Variants in NEK7 observed in about 807,000 individuals in gnomAD.
NEK7 encodes serine/threonine-protein kinase Nek7.
NEK7 carries 18 observed loss-of-function variants against 44.6 expected under a neutral mutation model. That is an observed-to-expected ratio of 0.40 (90% CI 0.28 to 0.60). NEK7 has a LOEUF of 0.60. Ranked by LOEUF, NEK7 falls within the 20% of genes least tolerant of loss-of-function variation. NEK7 has a pLI of 0.38. For missense variants in NEK7, 256 were observed against 366.5 expected (o/e 0.70, Z 2.46); for synonymous variants, 130 against 121.1 (o/e 1.07, Z -0.48).
intron 1 of NEK7, among the ~76,000 whole-genome samples, chr1:198,199,116 AG>A (rs1665337120): frequency 1.3e-5 from 2 of 152,246 alleles, no homozygotes; most frequent in Non-Finnish European, 2.9e-5. Flanking sequence ...GGAAAGATTC[AG>A]AGATGGAGAT....
At chr1:198,215,333 T>C (rs1351764130) in intron 1 of NEK7, among the ~76,000 whole-genome samples, 2 of 152,180 alleles carry the variant, frequency 1.3e-5, no homozygotes, top group Non-Finnish European at 2.9e-5. Flanking sequence ...TCAATATTTA[T>C]ATTGAATGTA....
At chr1:198,252,568 A>ATATATAT (rs1491101432) in intron 2 of NEK7, among the ~76,000 whole-genome samples, 2,686 of 62,776 alleles carry the variant, frequency 0.043, 232 homozygotes, top group South Asian at 0.1. Context: ...ATATATATAT[A>ATATATAT]AAAAGTACAT....
chr1:198,276,336 A>G (rs1654017556), intron 5 of NEK7, among the ~76,000 whole-genome samples: 1 of 151,656 alleles, frequency 6.6e-6, no homozygotes, highest in Admixed American at 6.6e-5. Context: ...GATATGTTAT[A>G]TTTATTTTTG....
intron 3 of NEK7, among the ~76,000 whole-genome samples, chr1:198,255,832 T>G (rs1653243504): frequency 6.6e-6 from 1 of 152,200 alleles, no homozygotes; most frequent in South Asian, 2.1e-4. Context: ...GAGCAACGCC[T>G]TAAACCTTTG....
intron 9 of NEK7, among the ~76,000 whole-genome samples, chr1:198,298,058 G>T (rs893973387): frequency 6.6e-6 from 1 of 152,066 alleles, no homozygotes; most frequent in Non-Finnish European, 1.5e-5. Flanking sequence ...CAGTATCTCA[G>T]GTCAACTAAA....
chr1:198,189,397 G>A (rs1277934442), intron 1 of NEK7, among the ~76,000 whole-genome samples: 2 of 152,078 alleles, frequency 1.3e-5, no homozygotes, highest in Non-Finnish European at 1.5e-5. Flanking sequence ...CTAAAGATTC[G>A]TTCTAACTCT....
chr1:198,268,079 T>C (rs1032685694), intron 5 of NEK7, among the ~76,000 whole-genome samples: 3 of 152,000 alleles, frequency 2.0e-5, no homozygotes, highest in Non-Finnish European at 4.4e-5. Flanking sequence ...GACTATCATT[T>C]TTCTTAACTG....
intron 1 of NEK7, among the ~76,000 whole-genome samples, chr1:198,217,212 A>G (rs757446267): frequency 3.3e-5 from 5 of 152,096 alleles, no homozygotes; most frequent in Non-Finnish European, 7.4e-5. Context: ...ACAGAGTGTT[A>G]GCAAACCAAA....
intron 1 of NEK7, among the ~76,000 whole-genome samples, chr1:198,163,607 C>A (rs1343688439): frequency 6.6e-6 from 1 of 152,024 alleles, no homozygotes; most frequent in Non-Finnish European, 1.5e-5. Flanking sequence ...CAGTTTATTT[C>A]TAGGTGTGGT....
chr1:198,240,499 CAAAAAAA>C (rs11415702), intron 2 of NEK7, among the ~76,000 whole-genome samples: 1 of 123,382 alleles, frequency 8.1e-6, no homozygotes, highest in South Asian at 2.4e-4. Context: ...GACTCCGTCT[CAAAAAAA>C]AAAAAAAAGA....
At chr1:198,265,871 CAT>C (rs1653636666) in intron 5 of NEK7, among the ~76,000 whole-genome samples, 2 of 152,056 alleles carry the variant, frequency 1.3e-5, no homozygotes, top group Non-Finnish European at 2.9e-5. Context: ...TACATTAGTA[CAT>C]ATGTCTTTAA....
chr1:198,278,107 A>T (rs1654073570), intron 6 of NEK7, 38 bp downstream of exon 6: 2 of 1,098,038 alleles, frequency 1.8e-6, no homozygotes, highest in Non-Finnish European at 2.8e-6. Context: ...ATCTTGTTTT[A>T]AATGATGTAA....
intron 3 of NEK7, among the ~76,000 whole-genome samples, chr1:198,260,319 CTTAATGTAT>C (rs1571583516): frequency 2.0e-5 from 3 of 151,958 alleles, no homozygotes; most frequent in East Asian, 3.9e-4. Flanking sequence ...TTTGTCAAAG[CTTAATGTAT>C]ACAACAGCTT....
intron 1 of NEK7, among the ~76,000 whole-genome samples, chr1:198,188,584 T>C (rs1185058401): frequency 2.0e-5 from 3 of 152,104 alleles, no homozygotes; most frequent in Admixed American, 6.6e-5. Context: ...TGCCACTAGC[T>C]ACATAGAAAG....
intron 1 of NEK7, among the ~76,000 whole-genome samples, chr1:198,200,129 T>C (rs1313661089): frequency 2.0e-5 from 3 of 152,364 alleles, no homozygotes; most frequent in African/African-American, 7.2e-5. Flanking sequence ...TTAAAACCAA[T>C]ATTTAATTAG....
intron 9 of NEK7, among the ~76,000 whole-genome samples, chr1:198,303,572 T>C (rs61564920): frequency 0.16 from 23,692 of 152,098 alleles, 2,459 homozygotes; most frequent in South Asian, 0.26. Context: ...ACTTTTTTAT[T>C]CATTTGAGCA....
chr1:198,228,912 G>T (rs374421812), intron 1 of NEK7, among the ~76,000 whole-genome samples: 5 of 152,178 alleles, frequency 3.3e-5, no homozygotes, highest in South Asian at 2.1e-4. Context: ...ATGTGGAATA[G>T]GAGTGGTGAG....
intron 1 of NEK7, among the ~76,000 whole-genome samples, chr1:198,163,224 G>A (rs1558036968): frequency 6.6e-6 from 1 of 152,058 alleles, no homozygotes; most frequent in Non-Finnish European, 1.5e-5. Flanking sequence ...CCGGCACAGT[G>A]GCTCATACTT....
intron 1 of NEK7, among the ~76,000 whole-genome samples, chr1:198,216,911 G>C (rs1023404770): frequency 2.0e-5 from 3 of 151,868 alleles, no homozygotes; most frequent in Non-Finnish European, 4.4e-5. Context: ...TAGAAATTCT[G>C]AACAGACCAA....
Sources: gnomAD v4.1 joint callset for allele counts (sites outside exome capture counted in the v4.1 genomes callset) on GRCh38, gnomAD v4.1.1 for gene constraint, MANE v1.5 for transcripts, NCBI Gene and HGNC (gene_info 2026-07-23, HGNC 2026-07-21) for gene names.